The following NOTCH2NLR variants were observed in gnomAD, a reference collection of about 807,000 sequenced individuals.
The protein encoded by NOTCH2NLR is notch 2 N-terminal like R (pseudogene).
A neutral mutation model predicts 35.6 loss-of-function variants in NOTCH2NLR; 33 were observed. The observed-to-expected ratio is 0.93, with a 90% CI of 0.70 to 1.24. The LOEUF (loss-of-function observed/expected upper bound fraction) is 1.24, where lower values mean the gene tolerates loss of function less well. Ranked by LOEUF, NOTCH2NLR falls within the 50% of genes most tolerant of loss-of-function variation. NOTCH2NLR has a pLI of 0.00. For missense variants in NOTCH2NLR, 276 were observed against 362.2 expected (o/e 0.76, Z 1.93); for synonymous variants, 103 against 141.0 (o/e 0.73, Z 1.91).
chr1:120,763,654 C>G lies in NOTCH2NLR; in HGVS notation c.100C>G (p.Pro34Ala), dbSNP rs1425245471. ...ATTGCAGTGTCGAGATGGCTATGAACCCTGTGTAAATAAAGGAATGTGTGT... is the reference window on the plus strand; with the variant it reads ...ATTGCAGTGTCGAGATGGCTATGAAGCCTGTGTAAATAAAGGAATGTGTGT... Residue 34 changes from proline to alanine, a missense_variant, in exon 2 of 5, where the codon CCC (proline) becomes GCC (alanine). Coordinates refer to ENST00000624419, the Ensembl canonical transcript of NOTCH2NLR. The G allele has an allele frequency of 2.1e-6, 3 of 1,411,184 alleles. 1 individual carries two copies. Among genetic ancestry groups the G allele is most frequent in the Non-Finnish European group, 2.8e-6 (3 of 1,053,448 alleles). 87.4% of individuals were successfully genotyped at this position (1,411,184 alleles called of 1,614,324 possible).
intron 3 of NOTCH2NLR, among the ~76,000 whole-genome samples, chr1:120,788,532 A>G (rs1651449189): frequency 2.0e-5 from 1 of 49,380 alleles, no homozygotes; most frequent in Non-Finnish European, 3.7e-5. Context: ...AATCCTGGCT[A>G]TGGGAGAAGC....
chr1:120,778,065 T>G (rs1651318652), intron 2 of NOTCH2NLR, among the ~76,000 whole-genome samples: 1 of 87,132 alleles, frequency 1.1e-5, no homozygotes, highest in Non-Finnish European at 2.0e-5. Flanking sequence ...CTGTTAGCAA[T>G]TACTTTTATC....
At position 120,733,231 on chromosome 1, in the gene NOTCH2NLR, T is replaced by C. The variant is rs1379745470; in HGVS notation, c.73+8981T>C. On this transcript the variant is annotated intron_variant, in intron 1 of 4. Coordinates refer to ENST00000624419, the Ensembl canonical transcript of NOTCH2NLR. ...TTTATTTTTAAAAATCTTTACCATTTGATAAGTGGTAAATATTACTTAATC... is the reference window on the plus strand; with the variant it reads ...TTTATTTTTAAAAATCTTTACCATTCGATAAGTGGTAAATATTACTTAATC... 2.0e-5 allele frequency among the ~76,000 whole-genome samples: 2 copies of C among 98,230 alleles called. 1 individual carries two copies. The highest frequency in any genetic ancestry group is 1.3e-4 in the African/African-American group (2 of 14,822). 64.4% of individuals were successfully genotyped at this position (98,230 alleles called of 152,430 possible).
intron 3 of NOTCH2NLR, among the ~76,000 whole-genome samples, chr1:120,790,513 ATTCTTTCT>A (rs1422332430): frequency 8.9e-6 from 1 of 112,306 alleles, no homozygotes; most frequent in Non-Finnish European, 1.7e-5. Flanking sequence ...TTCAGGGTTG[ATTCTTTCT>A]TTCTTTCTCC....
rs1651174559 is a variant in NOTCH2NLR, at chr1:120,764,996, T to C, written c.155+1287T>C. Among the ~76,000 whole-genome samples the C allele has an allele frequency of 2.4e-5, 2 of 83,826 alleles. 1 individual carries two copies. The highest frequency in any genetic ancestry group is 4.4e-5 in the Non-Finnish European group (2 of 45,680). 55.0% of individuals were successfully genotyped at this position (83,826 alleles called of 152,430 possible). A position where few individuals can be genotyped will look rare whatever the true frequency, so the allele number is the denominator to read the frequency against. ...AGTTTTTTAATGTTATAAACAAGAT[T>C]TTTTTTTTCAAGTCAGAAATAATTT... On this transcript the variant is annotated intron_variant, in intron 2 of 4. Transcript: ENST00000624419.
In NOTCH2NLR at chr1:120,787,175, TAATATA is replaced by T. The variant is rs1341393978; in HGVS notation, c.415+1943_415+1948del. On this transcript the variant is annotated intron_variant, in intron 3 of 4. Transcript: ENST00000624419. ...ACCCAAAGTGTCTTGGTGGCAATCT[TAATATA>T]TATATATTGGCAATCTTTATATATA... 5.4e-5 allele frequency among the ~76,000 whole-genome samples: 5 copies of T among 92,336 alleles called. No individual in the cohort carries two copies. In the East Asian group the frequency reaches 1.3e-3, roughly 24 times the overall value. 60.6% of individuals were successfully genotyped at this position (92,336 alleles called of 152,430 possible).
chr1:120,759,619 T>C (rs1651112368), intron 1 of NOTCH2NLR, among the ~76,000 whole-genome samples: 1 of 104,782 alleles, frequency 9.5e-6, no homozygotes, highest in South Asian at 2.7e-4. Flanking sequence ...AAAGTTTTAA[T>C]TTCTCTTTGT....
chr1:120,758,947 A>G (rs1651103957), intron 1 of NOTCH2NLR, among the ~76,000 whole-genome samples: 1 of 103,040 alleles, frequency 9.7e-6, no homozygotes, highest in Non-Finnish European at 1.8e-5. Context: ...TGCTTTTTAT[A>G]CATTACTGGG....
intron 1 of NOTCH2NLR, among the ~76,000 whole-genome samples, chr1:120,726,883 C>A (rs1351742998): frequency 8.7e-6 from 1 of 114,576 alleles, no homozygotes; most frequent in Non-Finnish European, 1.7e-5. Flanking sequence ...CCTACTGCCT[C>A]TCCTGTAGGC....
chr1:120,765,194 C>G (rs1471576322), intron 2 of NOTCH2NLR, among the ~76,000 whole-genome samples: 1 of 118,186 alleles, frequency 8.5e-6, no homozygotes, highest in Admixed American at 8.1e-5. Context: ...GCATTCTCCT[C>G]TAAGAATGGA....
rs1163633827 is a variant in NOTCH2NLR, at chr1:120,723,972, G to A, written c.-206G>A. 5.0e-5 allele frequency: 55 copies of A among 1,092,066 alleles called. 10 individuals carry two copies. The highest frequency in any genetic ancestry group is 6.3e-4 in the Middle Eastern group (2 of 3,160). 67.6% of individuals were successfully genotyped at this position (1,092,066 alleles called of 1,614,324 possible). A position where few individuals can be genotyped will look rare whatever the true frequency, so the allele number is the denominator to read the frequency against. On this transcript the variant is annotated 5_prime_UTR_variant, in exon 1 of 5. Transcript: ENST00000624419. The stretch of plus-strand genomic sequence containing the variant: ...CCAAACTTCCGGCGGCGGCTGAGGC[G>A]GCGGCCGAGGAGCGGCGGACTCGGG...
rs1402881117 is a variant in NOTCH2NLR, at chr1:120,768,620, CA to C, written c.155+4915del. On this transcript the variant is annotated intron_variant, in intron 2 of 4. Coordinates refer to ENST00000624419, the Ensembl canonical transcript of NOTCH2NLR. ...GTACCTTCACGATAAAAAAAAAAAA[CA>C]AAACTGTAAATGTGGGTTTCATATA... 4.6e-5 allele frequency among the ~76,000 whole-genome samples: 5 copies of C among 108,262 alleles called. 2 individuals carry two copies. Among genetic ancestry groups the C allele is most frequent in the African/African-American group, 2.8e-4 (5 of 17,582 alleles). 71.0% of individuals were successfully genotyped at this position (108,262 alleles called of 152,430 possible).
chr1:120,752,556 T>TATA (rs1651033843), intron 1 of NOTCH2NLR, among the ~76,000 whole-genome samples: 3 of 8,156 alleles, frequency 3.7e-4, no homozygotes, highest in African/African-American at 2.8e-3. Context: ...ATATATATAT[T>TATA]TTTTTTTTTT....
rs1434333603 is a variant in NOTCH2NLR, at chr1:120,758,294, T to TA, written c.74-5333dup. ...TTGGAAGAAAAAGTGTCAAACTTGG[T>TA]ACTGTGTGAAGGTACTGCACAGACC... On this transcript the variant is annotated intron_variant, in intron 1 of 4. Coordinates refer to ENST00000624419, the Ensembl canonical transcript of NOTCH2NLR. 4.4e-5 allele frequency among the ~76,000 whole-genome samples: 5 copies of TA among 114,206 alleles called. 2 individuals are homozygous for TA. Among genetic ancestry groups the TA allele is most frequent in the Non-Finnish European group, 8.5e-5 (5 of 58,606 alleles). 74.9% of individuals were successfully genotyped at this position (114,206 alleles called of 152,430 possible).
At chr1:120,777,825 C>T (rs1425283857) in intron 2 of NOTCH2NLR, among the ~76,000 whole-genome samples, 1 of 110,660 alleles carries the variant, frequency 9.0e-6, no homozygotes, top group Non-Finnish European at 1.7e-5. Flanking sequence ...AGTTAGTTAC[C>T]TTTACACAGA....
chr1:120,756,388 A>T (rs1277073799), intron 1 of NOTCH2NLR, among the ~76,000 whole-genome samples: 1 of 118,086 alleles, frequency 8.5e-6, no homozygotes, highest in East Asian at 2.1e-4. Context: ...AAGTTAAAAG[A>T]GCCTGTATAA....
Position 120,767,936 on chromosome 1 carries a change from G to A in NOTCH2NLR, c.155+4227G>A, listed in dbSNP as rs1231076131. 9.3e-5 allele frequency among the ~76,000 whole-genome samples: 11 copies of A among 117,988 alleles called. 4 individuals are homozygous for A. The highest frequency in any genetic ancestry group is 5.4e-4 in the African/African-American group (11 of 20,262). 77.4% of individuals were successfully genotyped at this position (117,988 alleles called of 152,430 possible). On this transcript the variant is annotated intron_variant, in intron 2 of 4. Transcript: ENST00000624419. ...CTTAACAACTGGGTTGTCTATGGAT[G>A]TGTTTCTATTTCTATCAACTGCTCC...
rs1475797436 is a variant in NOTCH2NLR, at chr1:120,756,456, T to C, written c.74-7172T>C. ...GTCAAGACGTTAAAATACCTTCCGA[T>C]TGAGCAGTGGGTCTAAGCACAGATA... On this transcript the variant is annotated intron_variant, in intron 1 of 4. Coordinates refer to ENST00000624419, the Ensembl canonical transcript of NOTCH2NLR. Among the ~76,000 whole-genome samples, 4 of 117,612 alleles carry C rather than the reference T, an allele frequency of 3.4e-5. 1 individual carries two copies. Among genetic ancestry groups the C allele is most frequent in the Admixed American group, 2.4e-4 (3 of 12,328 alleles). 77.2% of individuals were successfully genotyped at this position (117,612 alleles called of 152,430 possible).
In NOTCH2NLR at chr1:120,760,214, GTCTC is replaced by G. The variant is rs1246532105; in HGVS notation, c.74-3408_74-3405del. ...TTTTTTTTTTTTTTTTTGAGATGGAGTCTCTCTCTGTCACTCAGGCTGGAGTACA... is the reference window on the plus strand; with the variant it reads ...TTTTTTTTTTTTTTTTTGAGATGGAGTCTCTGTCACTCAGGCTGGAGTACA... On this transcript the variant is annotated intron_variant, in intron 1 of 4. Coordinates refer to ENST00000624419, the Ensembl canonical transcript of NOTCH2NLR. Among the ~76,000 whole-genome samples the G allele has an allele frequency of 2.1e-3, 137 of 65,492 alleles. 9 individuals are homozygous for G. The highest frequency in any genetic ancestry group is 3.2e-3 in the Non-Finnish European group (128 of 40,074). The allele number at this position is 65,492 out of a possible 152,430, so 43.0% of individuals were successfully genotyped here.
Sources: gnomAD v4.1 joint callset for allele counts (sites outside exome capture counted in the v4.1 genomes callset) on GRCh38, gnomAD v4.1.1 for gene constraint, MANE v1.5 for transcripts, NCBI Gene and HGNC (gene_info 2026-07-23, HGNC 2026-07-21) for gene names.